Variants in ABTB2 observed in about 807,000 individuals in gnomAD.
The protein encoded by ABTB2 is ankyrin repeat and BTB domain containing 2.
Under a neutral mutation model 104.1 loss-of-function variants are expected in ABTB2, and 56 were observed. The ratio of observed to expected loss-of-function variants is 0.54; its 90% CI spans 0.43 to 0.67. The LOEUF (loss-of-function observed/expected upper bound fraction) is 0.67, where lower values mean the gene tolerates loss of function less well. Ranked by LOEUF, ABTB2 falls within the 30% of genes least tolerant of loss-of-function variation. The pLI, the probability that ABTB2 is intolerant of heterozygous loss-of-function variation, is 0.00. For missense variants in ABTB2, 1,279 were observed against 1,407.7 expected (o/e 0.91, Z 1.46); for synonymous variants, 606 against 608.2 (o/e 1.00, Z 0.05).
chr11:34,305,498 G>A lies in ABTB2; in HGVS notation c.883+51203C>T, dbSNP rs192646033. On this transcript the variant is annotated intron_variant, in intron 1 of 16. Transcript: ENST00000435224. The stretch of plus-strand genomic sequence containing the variant: ...TCAACGGGGCGATTATTGAGGTTTC[G>A]CCTTCCTAGCAGAAAATCATCTTGC... 2.2e-3 allele frequency among the ~76,000 whole-genome samples: 338 copies of A among 152,314 alleles called. 4 individuals are homozygous for A. Among genetic ancestry groups the A allele is most frequent in the Non-Finnish European group, 2.5e-3 (168 of 68,030 alleles).
rs573175269 is a variant in ABTB2 at position 34,357,731 on chromosome 11, C to T, written c.-148G>A. On this transcript the variant is annotated 5_prime_UTR_variant, in exon 1 of 17. Transcript: ENST00000435224. Reference sequence around the variant, plus strand: ...GGGGCTCGGCGGCCGCATTGCCTGCCCGGAGGCCGCGGGAAGGTGGCCGAG... The same window carrying T: ...GGGGCTCGGCGGCCGCATTGCCTGCTCGGAGGCCGCGGGAAGGTGGCCGAG... 2.2e-6 allele frequency: 2 copies of T among 908,404 alleles called. No homozygotes were observed. The highest frequency in any genetic ancestry group is 6.3e-5 in the East Asian group (2 of 31,910). The allele number at this position is 908,404 out of a possible 1,614,324, so 56.3% of individuals were successfully genotyped here.
chr11:34,325,703 C>A (rs1307711916), intron 1 of ABTB2, among the ~76,000 whole-genome samples: 1 of 152,116 alleles, frequency 6.6e-6, no homozygotes. Context: ...GCAATCCCAG[C>A]ACTTTGGGAG....
At chr11:34,184,420 G>T (rs1456359350) in intron 3 of ABTB2, among the ~76,000 whole-genome samples, 4 of 152,186 alleles carry the variant, frequency 2.6e-5, no homozygotes, top group African/African-American at 7.2e-5. Flanking sequence ...GGAAAAGGTG[G>T]CTGTGGTTCT....
At chr11:34,351,836 G>T (rs1304012271) in intron 1 of ABTB2, among the ~76,000 whole-genome samples, 1 of 152,100 alleles carries the variant, frequency 6.6e-6, no homozygotes, top group Non-Finnish European at 1.5e-5. Flanking sequence ...CTTCCAGCTG[G>T]GGGAGTCAGG....
chr11:34,312,035 G>A (rs953973228), intron 1 of ABTB2, among the ~76,000 whole-genome samples: 2 of 152,096 alleles, frequency 1.3e-5, no homozygotes, highest in Non-Finnish European at 2.9e-5. Flanking sequence ...AAGCTACTCA[G>A]GAGGCTAAGG....
chr11:34,355,193 T>C lies in ABTB2; in HGVS notation c.883+1508A>G, dbSNP rs547161361. On this transcript the variant is annotated intron_variant, in intron 1 of 16. Transcript: ENST00000435224. The stretch of plus-strand genomic sequence containing the variant: ...GAGTGTCTTCAAAATGGGCCTAACA[T>C]GTCAACTGTTCTCGAAAACTGGGCT... 4.5e-4 allele frequency among the ~76,000 whole-genome samples: 69 copies of C among 152,326 alleles called. 1 individual carries two copies. The South Asian group carries it at 0.014, about 31-fold the overall frequency.
chr11:34,353,956 C>T (rs1014790296), intron 1 of ABTB2, among the ~76,000 whole-genome samples: 10 of 152,210 alleles, frequency 6.6e-5, no homozygotes, highest in African/African-American at 2.4e-4. Context: ...TGGACCACTC[C>T]ATTTTGTTCC....
chr11:34,343,266 G>A (rs1855285203), intron 1 of ABTB2, among the ~76,000 whole-genome samples: 1 of 152,160 alleles, frequency 6.6e-6, no homozygotes. Context: ...TGAAATGAAG[G>A]AAAGTCACCA....
chr11:34,303,921 G>A (rs1383931582), intron 1 of ABTB2, among the ~76,000 whole-genome samples: 1 of 152,168 alleles, frequency 6.6e-6, no homozygotes, highest in African/African-American at 2.4e-5. Flanking sequence ...GGGATTACAG[G>A]TGTAAGCCAC....
At chr11:34,275,066 C>T (rs538330458) in intron 1 of ABTB2, among the ~76,000 whole-genome samples, 48 of 152,322 alleles carry the variant, frequency 3.2e-4, no homozygotes, top group African/African-American at 1.0e-3. Context: ...CGAGAGTCCT[C>T]ATTCAGCTCC....
rs116378084 is a variant in ABTB2 at position 34,162,286 on chromosome 11, A to T, written c.2218+290T>A. ...CGACATCCCTGGGCTGTGACTGGGG[A>T]GGGGGCAGCGAAGCTCCAGCCAGGC... On this transcript the variant is annotated intron_variant, in intron 10 of 16. Transcript: ENST00000435224. 3.1e-3 allele frequency among the ~76,000 whole-genome samples: 467 copies of T among 152,190 alleles called. 6 individuals carry two copies. The highest frequency in any genetic ancestry group is 0.011 in the African/African-American group (451 of 41,502).
intron 1 of ABTB2, among the ~76,000 whole-genome samples, chr11:34,352,086 C>A (rs1855406641): frequency 6.6e-6 from 1 of 152,184 alleles, no homozygotes; most frequent in Non-Finnish European, 1.5e-5. Context: ...CAAGCTCAAT[C>A]AACCCTTGCT....
At chr11:34,321,925 G>A (rs1375962535) in intron 1 of ABTB2, among the ~76,000 whole-genome samples, 2 of 152,218 alleles carry the variant, frequency 1.3e-5, no homozygotes, top group African/African-American at 2.4e-5. Context: ...CAGGACAGTC[G>A]GGACTCACCT....
chr11:34,171,210 GC>G, intron 4 of ABTB2, 139 bp from the exon 5 acceptor site: 1 of 835,830 alleles, frequency 1.2e-6, no homozygotes, highest in East Asian at 2.7e-5. Flanking sequence ...GATCAGATCA[GC>G]AATTACTGTC....
intron 1 of ABTB2, among the ~76,000 whole-genome samples, chr11:34,309,700 A>G (rs1457587923): frequency 1.3e-5 from 2 of 152,208 alleles, no homozygotes; most frequent in Non-Finnish European, 2.9e-5. Context: ...AAAGAAAAAC[A>G]AACTTTTGGT....
At chr11:34,287,235 C>A (rs1854516170) in intron 1 of ABTB2, among the ~76,000 whole-genome samples, 2 of 147,662 alleles carry the variant, frequency 1.4e-5, no homozygotes, top group African/African-American at 5.0e-5. Flanking sequence ...CCTTAAAAGT[C>A]AAATTTACTG....
intron 1 of ABTB2, among the ~76,000 whole-genome samples, chr11:34,225,676 A>G (rs773666372): frequency 1.3e-5 from 2 of 151,978 alleles, no homozygotes; most frequent in Non-Finnish European, 2.9e-5. Context: ...AATTGCTTGA[A>G]CCAGGGAGGC....
chr11:34,211,263 G>A (rs1421111727), intron 1 of ABTB2, among the ~76,000 whole-genome samples: 6 of 152,200 alleles, frequency 3.9e-5, no homozygotes, highest in South Asian at 2.1e-4. Context: ...GCACACTGCC[G>A]TGTCCAGCTA....
chr11:34,204,774 C>A (rs1392312636), intron 1 of ABTB2, 84 bp from the exon 2 acceptor site: 2 of 1,407,954 alleles, frequency 1.4e-6, no homozygotes, highest in African/African-American at 2.9e-5. Context: ...CAGGGCTCAG[C>A]CCTGCTCCCC....
Sources: gnomAD v4.1 joint callset for allele counts (sites outside exome capture counted in the v4.1 genomes callset) on GRCh38, gnomAD v4.1.1 for gene constraint, MANE v1.5 for transcripts, NCBI Gene and HGNC (gene_info 2026-07-23, HGNC 2026-07-21) for gene names.